HLA-DMB: variants seen among roughly 807,000 people sequenced by gnomAD.
HLA-DMB encodes the protein HLA class II histocompatibility antigen, DM beta chain.
Under a neutral mutation model 29.3 loss-of-function variants are expected in HLA-DMB, and 18 were observed. That is an observed-to-expected ratio of 0.62 (90% confidence interval 0.43 to 0.91). The LOEUF (loss-of-function observed/expected upper bound fraction) is 0.91, where lower values mean the gene tolerates loss of function less well. HLA-DMB is among the 40% of genes least tolerant of loss of function. HLA-DMB has a pLI of 0.00. For synonymous variants in HLA-DMB, 143 were observed against 128.7 expected, an observed-to-expected ratio of 1.11 and a Z score of -0.75; for missense variants, 258 against 320.9, an observed-to-expected ratio of 0.80 and a Z score of 1.50.
chr6:32,940,700 T>C (rs1018330143), intron 1 of HLA-DMB, 53 bp downstream of exon 1: 2 of 1,457,388 alleles, frequency 1.4e-6, no homozygotes, highest in Non-Finnish European at 1.9e-6. Context: ...GGAACACCCT[T>C]ACCCTGAAAC....
intron 1 of HLA-DMB, among the ~76,000 whole-genome samples, chr6:32,939,366 A>G (rs181437343): frequency 6.6e-6 from 1 of 152,354 alleles, no homozygotes; most frequent in Admixed American, 6.5e-5. Context: ...TCCCGGAACT[A>G]TGGAGTTCAG....
At chr6:32,938,643 C>A (rs767425395) in intron 2 of HLA-DMB, 41 bp downstream of exon 2, 30 of 1,440,304 alleles carry the variant, frequency 2.1e-5, no homozygotes, top group Non-Finnish European at 2.7e-5. Context: ...GCCCTCCTAA[C>A]TGCACTTCCT....
intron 2 of HLA-DMB, 73 bp downstream of exon 2, chr6:32,938,611 A>G: frequency 1.5e-6 from 2 of 1,359,402 alleles, no homozygotes; most frequent in Non-Finnish European, 9.7e-7. Flanking sequence ...CCCCTGGGCC[A>G]CTGTGGGATC....
rs774975956 is a variant in HLA-DMB at position 32,938,850 on chromosome 6, C to T, written c.171G>A (p.Glu57=). The change falls in exon 2 of 6, where the codon GAG becomes GAA. Residue 57 remains glutamate (E), a synonymous_variant. Coordinates refer to ENST00000418107, the MANE Select transcript of HLA-DMB (RefSeq NM_002118.5). ...NKDLLTCWDP[E]ENKMAPCEFG... The stretch of plus-strand genomic sequence containing the variant: ...ATTCGCAAGGGGCCATCTTATTCTC[C>T]TCTGGATCCCAGCAGGTCAGCAGAT... The T allele has an allele frequency of 2.5e-6, 4 of 1,612,572 alleles. No homozygotes were observed. In the South Asian group the frequency reaches 3.3e-5, roughly 13 times the overall value.
Position 32,937,763 on chromosome 6 carries a change from A to G in HLA-DMB, c.338-307T>C, listed in dbSNP as rs78985557. On this transcript the variant is annotated intron_variant, in intron 2 of 5. Coordinates refer to ENST00000418107, the MANE Select transcript of HLA-DMB (RefSeq NM_002118.5). This position sits in a 1 kb window ranked among gnomAD's most constrained non-coding sequence, Gnocchi z 4.1. The stretch of plus-strand genomic sequence containing the variant: ...AAGTTGTTGTATTTATTTCAAGTAC[A>G]TAAACTGGAAAGTATTTGAAATAAG... 9,245 of 381,094 alleles carry G rather than the reference A, an allele frequency of 0.024. 155 individuals are homozygous for G. Among genetic ancestry groups the G allele is most frequent in the African/African-American group, 0.041 (1,982 of 48,896 alleles). 23.6% of individuals were successfully genotyped at this position (381,094 alleles called of 1,614,324 possible). A position where few individuals can be genotyped will look rare whatever the true frequency, so the allele number is the denominator to read the frequency against.
Position 32,937,107 on chromosome 6 carries a change from T to G in HLA-DMB, c.622+65A>C. 7.1e-7 allele frequency: 1 copy of G among 1,402,836 alleles called. No individual in the cohort carries two copies. The highest frequency in any genetic ancestry group is 9.8e-7 in the Non-Finnish European group (1 of 1,024,372). 86.9% of individuals were successfully genotyped at this position (1,402,836 alleles called of 1,614,324 possible). Reference sequence around the variant, plus strand: ...GCACTTCGCTGTCTACCATGTACCATGTATCGATCCACATCTCATTTTCTC... The same window carrying G: ...GCACTTCGCTGTCTACCATGTACCAGGTATCGATCCACATCTCATTTTCTC... On this transcript the variant is annotated intron_variant, in intron 3 of 5. Transcript: ENST00000418107. This position sits in a 1 kb window ranked among gnomAD's most constrained non-coding sequence, Gnocchi z 4.1.
intron 3 of HLA-DMB, chr6:32,936,850 C>A: frequency 3.8e-6 from 1 of 264,598 alleles, no homozygotes; most frequent in Non-Finnish European, 7.1e-6. Flanking sequence ...AGCACGCTCC[C>A]CTCTCACCCT....
intron 1 of HLA-DMB, 50 bp downstream of exon 1, chr6:32,940,703 C>G: frequency 6.7e-7 from 1 of 1,487,406 alleles, no homozygotes; most frequent in African/African-American, 1.4e-5. Context: ...ACACCCTTAC[C>G]CTGAAACAGG....
chr6:32,939,184 C>G (rs1026160913), intron 1 of HLA-DMB, among the ~76,000 whole-genome samples: 4 of 152,114 alleles, frequency 2.6e-5, no homozygotes, highest in Admixed American at 2.6e-4. Flanking sequence ...GTCTTTTGTT[C>G]TAATGAGGTA....
Position 32,938,921 on chromosome 6 carries a change from C to T in HLA-DMB, c.100G>A (p.Ala34Thr). The part of the protein sequence containing the change: ...HVESTCLLDD[A>T]GTPKDFTYCI... Reference sequence around the variant, plus strand: ...TATGTGAAATCCTTTGGAGTCCCAGCATCATCCAACAGACAGGTGCTTTCC... The same window carrying T: ...TATGTGAAATCCTTTGGAGTCCCAGTATCATCCAACAGACAGGTGCTTTCC... Residue 34 changes from alanine to threonine, a missense_variant, in exon 2 of 6, where the codon GCT becomes ACT. Transcript: ENST00000418107. 2 of 1,603,774 alleles carry T rather than the reference C, an allele frequency of 1.2e-6. No homozygotes were observed. The highest frequency in any genetic ancestry group is 1.7e-6 in the Non-Finnish European group (2 of 1,175,690).
chr6:32,937,739 AGTT>A lies in HLA-DMB; in HGVS notation c.338-286_338-284del. The A allele has an allele frequency of 8.8e-6, 4 of 455,282 alleles. No individual in the cohort carries two copies. The highest frequency in any genetic ancestry group is 1.2e-5 in the Non-Finnish European group (3 of 257,456). The allele number at this position is 455,282 out of a possible 1,614,324, so 28.2% of individuals were successfully genotyped here. ...GATCTGAACTGCAAGCTGTTCTAGA[AGTT>A]GTTGTATTTATTTCAAGTACATAAA... On this transcript the variant is annotated intron_variant, in intron 2 of 5. Coordinates refer to ENST00000418107, the MANE Select transcript of HLA-DMB (RefSeq NM_002118.5). The surrounding 1 kb of genome is among the most constrained non-coding windows in gnomAD (Gnocchi z 4.1).
At chr6:32,938,556 T>A in intron 2 of HLA-DMB, 128 bp downstream of exon 2, 1 of 969,374 alleles carries the variant, frequency 1.0e-6, no homozygotes, top group East Asian at 2.9e-5. Context: ...TCTTTCTACA[T>A]TTCAGATCCA....
intron 1 of HLA-DMB, among the ~76,000 whole-genome samples, chr6:32,939,346 T>C (rs1164235753): frequency 1.3e-5 from 2 of 152,292 alleles, no homozygotes; most frequent in East Asian, 3.9e-4. Flanking sequence ...TGATGAAGCC[T>C]CCATAAAAAT....
intron 1 of HLA-DMB, 26 bp downstream of exon 1, chr6:32,940,727 A>T: frequency 6.3e-7 from 1 of 1,587,774 alleles, no homozygotes; most frequent in Non-Finnish European, 8.6e-7. Context: ...AGGGGAAGGG[A>T]GAGTCCCCAG....
At chr6:32,940,393 T>C (rs1776283991) in intron 1 of HLA-DMB, among the ~76,000 whole-genome samples, 1 of 151,922 alleles carries the variant, frequency 6.6e-6, no homozygotes, top group Non-Finnish European at 1.5e-5. Context: ...AGGCAAATTA[T>C]TGAGAGAGAA....
chr6:32,936,283 AC>A (rs1301453381), intron 3 of HLA-DMB: 2 of 152,588 alleles, frequency 1.3e-5, no homozygotes, highest in African/African-American at 4.8e-5. Flanking sequence ...GCTCTTGTGC[AC>A]GCTGTGAGGA....
chr6:32,938,705 C>T lies in HLA-DMB; in HGVS notation c.316G>A (p.Gly106Arg). ...TCACGTGTCCTGTTGGTCAGTGATC[C>T]CCAGAAGGGCTGGGTGTGTGTGGCA... ...NCATHTQPFW[G>R]SLTNRTRPPS... The change falls in exon 2 of 6, where the codon GGA becomes AGA. Residue 106 changes from glycine to arginine, a missense_variant. Transcript: ENST00000418107. 6.5e-7 allele frequency: 1 copy of T among 1,530,188 alleles called. No individual in the cohort carries two copies. The highest frequency in any genetic ancestry group is 8.8e-7 in the Non-Finnish European group (1 of 1,135,092). The allele number at this position is 1,530,188 out of a possible 1,614,324, so 94.8% of individuals were successfully genotyped here.
At chr6:32,940,079 G>A (rs964947408) in intron 1 of HLA-DMB, among the ~76,000 whole-genome samples, 4 of 150,498 alleles carry the variant, frequency 2.7e-5, no homozygotes, top group Admixed American at 2.6e-4. Flanking sequence ...GTTGGTCAAA[G>A]AAGTGTTGAG....
In HLA-DMB at chr6:32,938,790, T is replaced by A. The variant is rs1327343975; in HGVS notation, c.231A>T (p.Ser77=). The change falls in exon 2 of 6, where the codon TCA becomes TCT. Residue 77 remains serine (S), a synonymous_variant. Coordinates refer to ENST00000418107, the MANE Select transcript of HLA-DMB (RefSeq NM_002118.5). Reference sequence around the variant, plus strand: ...GGGTGTCTTTTTGGTTGAGGTGCTGTGAGAGGACATTCGCCAAGCTATTCA... The same window carrying A: ...GGGTGTCTTTTTGGTTGAGGTGCTGAGAGAGGACATTCGCCAAGCTATTCA... ...GVLNSLANVL[S]QHLNQKDTLM... 1.2e-6 allele frequency: 2 copies of A among 1,610,398 alleles called. No homozygotes were observed. The highest frequency in any genetic ancestry group is 1.7e-6 in the Non-Finnish European group (2 of 1,178,890).
Sources: allele counts gnomAD v4.1 joint callset (sites outside exome capture counted in the v4.1 genomes callset), GRCh38; gene constraint gnomAD v4.1.1; non-coding constraint Gnocchi (gnomAD v3.1); transcripts MANE v1.5; gene names NCBI Gene and HGNC (gene_info 2026-07-23, HGNC 2026-07-21).